Variants in FRAS1 observed in about 807,000 individuals in gnomAD.
FRAS1 encodes extracellular matrix organizing protein FRAS1.
A neutral mutation model predicts 435.2 loss-of-function variants in FRAS1; 290 were observed. The observed-to-expected ratio is 0.67, with a 90% confidence interval of 0.61 to 0.73. The LOEUF (loss-of-function observed/expected upper bound fraction) is 0.73. FRAS1 is among the 30% of genes least tolerant of loss of function. FRAS1 has a pLI of 0.00. For missense variants in FRAS1, 4,860 were observed against 5,001.5 expected (o/e 0.97, Z 0.85); for synonymous variants, 1,800 against 1,851.0 (o/e 0.97, Z 0.71).
chr4:78,090,755 A>G (rs1196369232), intron 2 of FRAS1, among the ~76,000 whole-genome samples: 1 of 152,210 alleles, frequency 6.6e-6, no homozygotes, highest in African/African-American at 2.4e-5. Flanking sequence ...CAACTGAAGA[A>G]AGCCATTTCT....
rs746031442 is a variant in FRAS1 at position 78,432,398 on chromosome 4, C to A, written c.5011C>A (p.Gln1671Lys). 23 of 1,608,794 alleles carry A rather than the reference C, an allele frequency of 1.4e-5. No homozygotes were observed. The highest frequency in any genetic ancestry group is 2.0e-5 in the Non-Finnish European group (23 of 1,177,382). Reference sequence around the variant, plus strand: ...TGAGGATGTTGAGAAAAATGCTCTACAGTATATACATGATGGTTCCTCTAC... The same window carrying A: ...TGAGGATGTTGAGAAAAATGCTCTAAAGTATATACATGATGGTTCCTCTAC... Reference protein sequence around the residue: ...TYEDVEKNALQYIHDGSSTRE... With the variant: ...TYEDVEKNALKYIHDGSSTRE... The change falls in exon 38 of 74, where the codon CAG becomes AAG. Residue 1671 changes from glutamine to lysine, a missense_variant. By Grantham distance (53) the Gln-to-Lys change is moderately conservative. Transcript: ENST00000512123.
At chr4:78,463,212 ATT>A (rs1434537165) in intron 47 of FRAS1, among the ~76,000 whole-genome samples, 1 of 152,218 alleles carries the variant, frequency 6.6e-6, no homozygotes, top group Non-Finnish European at 1.5e-5. Context: ...GTTGTGAGGC[ATT>A]TAAAGCAGAG....
At chr4:78,494,761 C>T (rs1720464286) in intron 59 of FRAS1, among the ~76,000 whole-genome samples, 1 of 152,160 alleles carries the variant, frequency 6.6e-6, no homozygotes. Flanking sequence ...TGATCACACC[C>T]ACCAGCTTCC....
intron 44 of FRAS1, among the ~76,000 whole-genome samples, chr4:78,449,474 T>C (rs79692235): frequency 0.026 from 3,947 of 152,276 alleles, 173 homozygotes; most frequent in African/African-American, 0.09. Flanking sequence ...AACACCAGGA[T>C]GTATTATGCA....
At chr4:78,258,451 G>T (rs536453511) in intron 6 of FRAS1, among the ~76,000 whole-genome samples, 4 of 151,532 alleles carry the variant, frequency 2.6e-5, no homozygotes, top group East Asian at 1.9e-4. Flanking sequence ...ACAATTGGGG[G>T]TATCTAAAAT....
rs1389253772 is a variant in FRAS1, at chr4:78,284,449, C to T, written c.1300C>T (p.His434Tyr). 9.3e-6 allele frequency: 15 copies of T among 1,613,772 alleles called. No individual in the cohort carries two copies. The highest frequency in any genetic ancestry group is 1.3e-5 in the Non-Finnish European group (15 of 1,179,810). ...TTTGACATGCTCTCAGTCTCCAGACCACTGTGACCTCTGCCAAGATCCTAC... is the reference window on the plus strand; with the variant it reads ...TTTGACATGCTCTCAGTCTCCAGACTACTGTGACCTCTGCCAAGATCCTAC... Reference protein sequence around the residue: ...DCLTCSQSPDHCDLCQDPTKL... With the variant: ...DCLTCSQSPDYCDLCQDPTKL... The change falls in exon 13 of 74, where the codon CAC becomes TAC. Residue 434 changes from histidine (H) to tyrosine (Y), a missense_variant. His to Tyr is a moderately conservative substitution (Grantham distance 83). Transcript: ENST00000512123.
intron 59 of FRAS1, among the ~76,000 whole-genome samples, 188 bp downstream of exon 59, chr4:78,489,268 A>C (rs1720270324): frequency 6.6e-6 from 1 of 152,218 alleles, no homozygotes; most frequent in African/African-American, 2.4e-5. Context: ...CTTTTGACTC[A>C]CACAAAACTT....
intron 2 of FRAS1, among the ~76,000 whole-genome samples, chr4:78,176,202 C>G (rs1273692532): frequency 6.6e-6 from 1 of 152,192 alleles, no homozygotes; most frequent in Non-Finnish European, 1.5e-5. Context: ...GTATCAACAT[C>G]TATGCAAATT....
chr4:78,273,028 T>C (rs561819524), intron 9 of FRAS1, among the ~76,000 whole-genome samples: 5 of 152,220 alleles, frequency 3.3e-5, no homozygotes, highest in Admixed American at 6.5e-5. Context: ...AGGTCCTTCA[T>C]ATCCCTTGTA....
Position 78,270,139 on chromosome 4 carries a change from T to C in FRAS1, c.981+2707T>C, listed in dbSNP as rs573449822. 1.1e-4 allele frequency among the ~76,000 whole-genome samples: 16 copies of C among 152,344 alleles called. No homozygotes were observed. In the South Asian group the frequency reaches 3.3e-3, roughly 32 times the overall value. On this transcript the variant is annotated intron_variant, in intron 9 of 73. Coordinates refer to ENST00000512123, the MANE Select transcript of FRAS1 (RefSeq NM_025074.7). ...ATACTAATTGGAGTGAACTCCCCAC[T>C]GCAGTGAACTGATGTGGTTTGGGGC...
In FRAS1 at chr4:78,306,025, G is replaced by A. The variant is rs540527098; in HGVS notation, c.1535-2041G>A. Among the ~76,000 whole-genome samples the A allele has an allele frequency of 7.8e-4, 119 of 151,838 alleles. No individual in the cohort carries two copies. In the East Asian group the frequency reaches 0.01, roughly 13 times the overall value. Reference sequence around the variant, plus strand: ...CCGGTTGTTCCTTTCCATGTTTAGCGCTTCCTTCAGGAGCTCTTTTATGGT... The same window carrying A: ...CCGGTTGTTCCTTTCCATGTTTAGCACTTCCTTCAGGAGCTCTTTTATGGT... On this transcript the variant is annotated intron_variant, in intron 14 of 73. Transcript: ENST00000512123.
chr4:78,323,898 T>C (rs1268786830), intron 18 of FRAS1, among the ~76,000 whole-genome samples: 2 of 152,186 alleles, frequency 1.3e-5, no homozygotes, highest in Admixed American at 6.5e-5. Flanking sequence ...TTGAGGTCCC[T>C]CTAGAACAGA....
intron 4 of FRAS1, 45 bp from the exon 5 acceptor site, chr4:78,252,347 G>A: frequency 6.3e-7 from 1 of 1,575,626 alleles, no homozygotes; most frequent in East Asian, 2.3e-5. Context: ...GAAAGCCTGT[G>A]TTTTGGCACT....
At chr4:78,284,594 T>C (rs766087017) in intron 13 of FRAS1, 46 bp downstream of exon 13, 9 of 1,527,268 alleles carry the variant, frequency 5.9e-6, no homozygotes, top group African/African-American at 5.6e-5. Flanking sequence ...GTGTGGGAGA[T>C]AGACTCATCA....
intron 27 of FRAS1, among the ~76,000 whole-genome samples, chr4:78,380,764 C>T (rs756163586): frequency 3.9e-5 from 6 of 152,160 alleles, no homozygotes; most frequent in Non-Finnish European, 5.9e-5. Flanking sequence ...GACAAGGACA[C>T]AGTGAGTATT....
chr4:78,189,817 C>A (rs752332190), intron 2 of FRAS1, among the ~76,000 whole-genome samples: 6 of 152,210 alleles, frequency 3.9e-5, no homozygotes, highest in Non-Finnish European at 8.8e-5. Flanking sequence ...CCTTCCCAAT[C>A]AATTTCTTCC....
At chr4:78,273,238 A>G (rs548007254) in intron 9 of FRAS1, among the ~76,000 whole-genome samples, 5 of 152,308 alleles carry the variant, frequency 3.3e-5, no homozygotes, top group South Asian at 4.1e-4. Context: ...TTTTCTAAAT[A>G]TACAACCATG....
At chr4:78,473,782 A>G (rs1157760102) in intron 53 of FRAS1, among the ~76,000 whole-genome samples, 185 bp downstream of exon 53, 2 of 131,130 alleles carry the variant, frequency 1.5e-5, no homozygotes, top group Non-Finnish European at 3.4e-5. Flanking sequence ...GTGCTGCACT[A>G]GGACTCGACA....
chr4:78,151,272 T>G (rs1423111845), intron 2 of FRAS1, among the ~76,000 whole-genome samples: 2 of 152,176 alleles, frequency 1.3e-5, no homozygotes, highest in Non-Finnish European at 1.5e-5. Flanking sequence ...CCTTAAAGTT[T>G]TATTGTGGAT....
Sources: gnomAD v4.1 joint callset for allele counts (sites outside exome capture counted in the v4.1 genomes callset) on GRCh38, gnomAD v4.1.1 for gene constraint, MANE v1.5 for transcripts, NCBI Gene and HGNC (gene_info 2026-07-23, HGNC 2026-07-21) for gene names.